The following SLC39A9 variants were observed in gnomAD, a reference collection of about 807,000 sequenced individuals.
The protein encoded by SLC39A9 is solute carrier family 39 member 9.
SLC39A9 carries 14 observed loss-of-function variants against 28.4 expected under a neutral mutation model. The observed-to-expected ratio is 0.49, with a 90% CI of 0.33 to 0.77. SLC39A9 has a LOEUF of 0.77. Among genes scored for constraint, SLC39A9 ranks in the 30% least tolerant of loss-of-function variants. The pLI, the probability that SLC39A9 is intolerant of heterozygous loss-of-function variation, is 0.02. For synonymous variants in SLC39A9, 119 were observed against 149.6 expected (o/e 0.80, Z 1.49); for missense variants, 283 against 381.1 (o/e 0.74, Z 2.14).
At chr14:69,445,487 G>A (rs545338684) in intron 3 of SLC39A9, among the ~76,000 whole-genome samples, 106 of 152,028 alleles carry the variant, frequency 7.0e-4, no homozygotes, top group Admixed American at 1.6e-3. Flanking sequence ...AATAAAATAC[G>A]TGTTAATCGA....
At chr14:69,408,697 G>A (rs924523934) in intron 1 of SLC39A9, among the ~76,000 whole-genome samples, 2 of 152,152 alleles carry the variant, frequency 1.3e-5, no homozygotes, top group Non-Finnish European at 2.9e-5. Context: ...ACCCATGTTT[G>A]TGAGTCTACA....
At position 69,459,243 on chromosome 14, in the gene SLC39A9, G is replaced by C. The variant is rs1018320281; in HGVS notation, c.*650G>C. 39 of 985,332 alleles carry C rather than the reference G, an allele frequency of 4.0e-5. No individual in the cohort carries two copies. Among genetic ancestry groups the C allele is most frequent in the Non-Finnish European group, 4.6e-5 (38 of 829,946 alleles). The allele number at this position is 985,332 out of a possible 1,614,324, so 61.0% of individuals were successfully genotyped here. On this transcript the variant is annotated 3_prime_UTR_variant, in exon 7 of 7. Transcript: ENST00000336643. ...GATTTAAACAGCTCCTTTGGCACGT[G>C]CCTCTCTGAATCCAGCCTGCCATTC... is the stretch of plus-strand genomic sequence containing the variant.
At chr14:69,431,911 A>G (rs1457713759) in intron 2 of SLC39A9, among the ~76,000 whole-genome samples, 2 of 152,132 alleles carry the variant, frequency 1.3e-5, no homozygotes, top group African/African-American at 4.8e-5. Context: ...ATATGGCTGA[A>G]TGGTATTCCG....
Position 69,459,929 on chromosome 14 carries a change from C to T in SLC39A9, c.*1336C>T. 7 of 985,584 alleles carry T rather than the reference C, an allele frequency of 7.1e-6. No individual in the cohort carries two copies. The highest frequency in any genetic ancestry group is 8.4e-6 in the Non-Finnish European group (7 of 829,854). The allele number at this position is 985,584 out of a possible 1,614,324, so 61.1% of individuals were successfully genotyped here. A position where few individuals can be genotyped will look rare whatever the true frequency, so the allele number is the denominator to read the frequency against. ...AAAGAAATTACCTTTGTGTCAAATG[C>T]CGCTTTGTTGAGCCCTTAAAATACC... On this transcript the variant is annotated 3_prime_UTR_variant, in exon 7 of 7. Transcript: ENST00000336643.
intron 1 of SLC39A9, among the ~76,000 whole-genome samples, chr14:69,418,268 T>C (rs955375020): frequency 6.6e-6 from 1 of 152,102 alleles, no homozygotes; most frequent in Non-Finnish European, 1.5e-5. Context: ...GGATTATGTT[T>C]ATTGATTTGC....
rs1885075263 is a variant in SLC39A9, at chr14:69,442,102, T to G, written c.239T>G (p.Val80Gly). 1 of 1,614,098 alleles carries G rather than the reference T, an allele frequency of 6.2e-7. No homozygotes were observed. Among genetic ancestry groups the G allele is most frequent in the Admixed American group, 1.7e-5 (1 of 60,000 alleles). ...KHHQASETHN[V>G]IASDKAAEKS... ...CACCAAGCAAGTGAAACACATAATGTGATTGCATCAGACAAAGCAGCAGAA... is the reference window on the plus strand; with the variant it reads ...CACCAAGCAAGTGAAACACATAATGGGATTGCATCAGACAAAGCAGCAGAA... Residue 80 changes from valine to glycine, a missense_variant, in exon 3 of 7, where the codon GTG becomes GGG. Transcript: ENST00000336643.
chr14:69,461,975 A>G lies in SLC39A9; in HGVS notation c.*3382A>G, dbSNP rs925224563. ...CAATACAGAATGGTCCACATCACCC[A>G]AAGTGCACTGTTGGAGATGCTGTGA... On this transcript the variant is annotated 3_prime_UTR_variant, in exon 7 of 7. Coordinates refer to ENST00000336643, the MANE Select transcript of SLC39A9 (RefSeq NM_018375.5). 6 of 407,348 alleles carry G rather than the reference A, an allele frequency of 1.5e-5. No individual in the cohort carries two copies. The highest frequency in any genetic ancestry group is 3.9e-5 in the Admixed American group (1 of 25,652). The allele number at this position is 407,348 out of a possible 1,614,324, so 25.2% of individuals were successfully genotyped here. A position where few individuals can be genotyped will look rare whatever the true frequency, so the allele number is the denominator to read the frequency against.
In SLC39A9 at chr14:69,399,010, A is replaced by G. The variant is rs1882469501; in HGVS notation, c.-360A>G. The G allele has an allele frequency of 4.5e-6, 1 of 222,912 alleles. No individual in the cohort carries two copies. Among genetic ancestry groups the G allele is most frequent in the South Asian group, 5.4e-5 (1 of 18,624 alleles). The allele number at this position is 222,912 out of a possible 1,614,324, so 13.8% of individuals were successfully genotyped here. On this transcript the variant is annotated 5_prime_UTR_variant, in exon 1 of 7. Transcript: ENST00000336643. The stretch of plus-strand genomic sequence containing the variant: ...TTGAGTCACTTACCCGCCGCCGCCT[A>G]AGACATTGTGCCACCCTCAATCCGA...
intron 3 of SLC39A9, among the ~76,000 whole-genome samples, chr14:69,446,967 G>A (rs1437632004): frequency 2.7e-5 from 4 of 146,468 alleles, no homozygotes; most frequent in African/African-American, 1.0e-4. Flanking sequence ...GAGAGAGAGA[G>A]CGAGAGAGAG....
intron 1 of SLC39A9, among the ~76,000 whole-genome samples, chr14:69,403,284 A>G (rs902791051): frequency 4.6e-5 from 7 of 152,174 alleles, no homozygotes; most frequent in Admixed American, 3.3e-4. Flanking sequence ...TTGAGAGCCT[A>G]TATTACCTAG....
intron 2 of SLC39A9, among the ~76,000 whole-genome samples, chr14:69,439,985 T>G (rs1884962415): frequency 6.6e-6 from 1 of 152,190 alleles, no homozygotes; most frequent in Admixed American, 6.5e-5. Flanking sequence ...GAGGTTTAGT[T>G]GACTCACAGT....
chr14:69,448,285 G>A (rs1330136748), intron 3 of SLC39A9, among the ~76,000 whole-genome samples: 1 of 150,120 alleles, frequency 6.7e-6, no homozygotes, highest in East Asian at 2.0e-4. Context: ...AAGACATTTT[G>A]CAGTTTTAAT....
At chr14:69,424,334 AGATATCTT>A (rs1447196081) in intron 2 of SLC39A9, 132 bp downstream of exon 2, 1 of 652,646 alleles carries the variant, frequency 1.5e-6, no homozygotes, top group Non-Finnish European at 2.7e-6. Flanking sequence ...ATTTGTTGAG[AGATATCTT>A]GATATCTTTG....
intron 1 of SLC39A9, among the ~76,000 whole-genome samples, chr14:69,403,434 G>A (rs1003536512): frequency 6.6e-6 from 1 of 152,318 alleles, no homozygotes; most frequent in East Asian, 1.9e-4. Context: ...TGGTAACAGA[G>A]AGCAAGCTGT....
intron 3 of SLC39A9, among the ~76,000 whole-genome samples, chr14:69,447,568 A>C (rs1275202228): frequency 6.6e-6 from 1 of 152,098 alleles, no homozygotes; most frequent in African/African-American, 2.4e-5. Flanking sequence ...TCTCCAGCTG[A>C]CCCTGAACCA....
chr14:69,411,781 ATT>A (rs541819902), intron 1 of SLC39A9, among the ~76,000 whole-genome samples: 28 of 138,370 alleles, frequency 2.0e-4, no homozygotes, highest in Admixed American at 1.4e-4. Flanking sequence ...CAGGTAAAGA[ATT>A]TTTTTTTTTT....
At chr14:69,404,267 T>C (rs1326027835) in intron 1 of SLC39A9, among the ~76,000 whole-genome samples, 1 of 152,198 alleles carries the variant, frequency 6.6e-6, no homozygotes, top group Non-Finnish European at 1.5e-5. Context: ...CAGATGAAAG[T>C]AGTGCTATTC....
chr14:69,444,933 A>G (rs1244410069), intron 3 of SLC39A9, among the ~76,000 whole-genome samples: 1 of 152,168 alleles, frequency 6.6e-6, no homozygotes, highest in East Asian at 1.9e-4. Context: ...GCATAACTGC[A>G]CTCCAGCCTG....
intron 1 of SLC39A9, among the ~76,000 whole-genome samples, chr14:69,401,434 T>A (rs77830539): frequency 0.12 from 18,742 of 152,224 alleles, 1,380 homozygotes; most frequent in Middle Eastern, 0.24. Flanking sequence ...ATGTGTGAGA[T>A]TTGGGTTGGT....
Sources: gnomAD v4.1 joint callset for allele counts (sites outside exome capture counted in the v4.1 genomes callset) on GRCh38, gnomAD v4.1.1 for gene constraint, MANE v1.5 for transcripts, NCBI Gene and HGNC (gene_info 2026-07-23, HGNC 2026-07-21) for gene names.